The following RALYL variants were observed in gnomAD, a reference collection of about 807,000 sequenced individuals.
RALYL encodes the protein RNA-binding Raly-like protein.
RALYL carries 29 observed loss-of-function variants against 35.1 expected under a neutral mutation model. That is an observed-to-expected ratio of 0.83 (90% CI 0.61 to 1.13). The LOEUF (loss-of-function observed/expected upper bound fraction) is 1.13. RALYL is among the 50% of genes most tolerant of loss of function. RALYL has a pLI of 0.00. For missense variants in RALYL, 359 were observed against 360.4 expected, an observed-to-expected ratio of 1.00 and a Z score of 0.03; for synonymous variants, 120 against 127.6, an observed-to-expected ratio of 0.94 and a Z score of 0.40.
At chr8:84,374,492 T>A (rs1171311227) in intron 1 of RALYL, among the ~76,000 whole-genome samples, 1 of 151,882 alleles carries the variant, frequency 6.6e-6, no homozygotes, top group Non-Finnish European at 1.5e-5. Flanking sequence ...CAACGACAGA[T>A]TGGATAAAGA....
chr8:84,786,156 G>A (rs1011713788), intron 3 of RALYL, among the ~76,000 whole-genome samples: 3 of 152,116 alleles, frequency 2.0e-5, no homozygotes, highest in African/African-American at 7.2e-5. Context: ...CAAAGGATAT[G>A]ATCTCATTTT....
intron 1 of RALYL, among the ~76,000 whole-genome samples, chr8:84,219,864 T>G (rs969085054): frequency 2.0e-5 from 3 of 151,578 alleles, no homozygotes; most frequent in African/African-American, 7.3e-5. Flanking sequence ...AGAAGACGTA[T>G]AGATAGATAG....
At chr8:84,291,717 G>T (rs889211834) in intron 1 of RALYL, among the ~76,000 whole-genome samples, 2 of 151,736 alleles carry the variant, frequency 1.3e-5, no homozygotes, top group African/African-American at 4.8e-5. Flanking sequence ...TGAATGGGAG[G>T]TCTTGTATTT....
chr8:84,561,091 C>A (rs190437947), intron 2 of RALYL, among the ~76,000 whole-genome samples: 361 of 152,118 alleles, frequency 2.4e-3, no homozygotes, highest in South Asian at 4.6e-3. Flanking sequence ...TGCCAATTAA[C>A]AATAATTAAT....
At chr8:84,653,009 C>A (rs1829171380) in intron 2 of RALYL, among the ~76,000 whole-genome samples, 1 of 152,184 alleles carries the variant, frequency 6.6e-6, no homozygotes, top group African/African-American at 2.4e-5. Flanking sequence ...AAGTTAATGT[C>A]TCCAGGATAC....
intron 1 of RALYL, among the ~76,000 whole-genome samples, chr8:84,479,774 A>G (rs1272711935): frequency 2.0e-5 from 3 of 152,168 alleles, no homozygotes; most frequent in Admixed American, 6.5e-5. Flanking sequence ...TTCCTTAAGT[A>G]TTCTCTTAAT....
chr8:84,814,585 A>ATTG (rs1826729647), intron 4 of RALYL, among the ~76,000 whole-genome samples: 1 of 152,204 alleles, frequency 6.6e-6, no homozygotes, highest in African/African-American at 2.4e-5. Flanking sequence ...TTGAAATAAA[A>ATTG]TTGTTTGGTC....
rs10675428 is a variant in RALYL, at chr8:84,254,746, G to GAAA, written c.-24+70334_-24+70336dup. Among the ~76,000 whole-genome samples, 256 of 126,502 alleles carry GAAA rather than the reference G, an allele frequency of 2.0e-3. 5 individuals carry two copies. The highest frequency in any genetic ancestry group is 7.4e-3 in the African/African-American group (238 of 32,202). 83.0% of individuals were successfully genotyped at this position (126,502 alleles called of 152,430 possible). ...AACTACCCAAGACTGGGTAATTTAT[G>GAAA]AAAAAAAAAAAAAAGAGGTTTAATT... On this transcript the variant is annotated intron_variant, in intron 1 of 8. Coordinates refer to ENST00000521268, the MANE Select transcript of RALYL (RefSeq NM_173848.7).
intron 2 of RALYL, among the ~76,000 whole-genome samples, chr8:84,691,781 A>G (rs985387795): frequency 1.3e-5 from 2 of 152,074 alleles, no homozygotes; most frequent in African/African-American, 4.8e-5. Context: ...AAGTGATACT[A>G]AAATAACTGG....
At chr8:84,641,667 T>C (rs1040296353) in intron 2 of RALYL, among the ~76,000 whole-genome samples, 1 of 151,772 alleles carries the variant, frequency 6.6e-6, no homozygotes, top group Admixed American at 6.6e-5. Context: ...TTAACCATTT[T>C]TAAAATCTGA....
intron 2 of RALYL, among the ~76,000 whole-genome samples, chr8:84,712,540 T>C (rs2132492840): frequency 6.6e-6 from 1 of 152,270 alleles, no homozygotes; most frequent in East Asian, 1.9e-4. Flanking sequence ...CAAAGGTCAC[T>C]TTTGTACCAG....
intron 1 of RALYL, among the ~76,000 whole-genome samples, chr8:84,388,903 A>G (rs186039204): frequency 0.028 from 4,297 of 152,228 alleles, 198 homozygotes; most frequent in African/African-American, 0.098. Context: ...TGTTTTAGAC[A>G]TGAAGTCCTT....
At chr8:84,706,787 A>G (rs928851278) in intron 2 of RALYL, among the ~76,000 whole-genome samples, 5 of 152,172 alleles carry the variant, frequency 3.3e-5, no homozygotes, top group African/African-American at 7.2e-5. Flanking sequence ...TTTACGGTAA[A>G]GCAATATGCC....
At chr8:84,351,570 C>A (rs1340367031) in intron 1 of RALYL, among the ~76,000 whole-genome samples, 1 of 149,534 alleles carries the variant, frequency 6.7e-6, no homozygotes, top group Non-Finnish European at 1.5e-5. Flanking sequence ...AGATACCCTT[C>A]AATATGGCCC....
intron 2 of RALYL, among the ~76,000 whole-genome samples, chr8:84,617,429 T>C (rs1174837795): frequency 6.8e-6 from 1 of 147,862 alleles, no homozygotes; most frequent in Non-Finnish European, 1.5e-5. Context: ...TTGTGATTTT[T>C]GTACACTGAT....
chr8:84,210,384 T>C (rs960085546), intron 1 of RALYL, among the ~76,000 whole-genome samples: 3 of 151,968 alleles, frequency 2.0e-5, no homozygotes, highest in African/African-American at 7.2e-5. Flanking sequence ...GGATTTTTTT[T>C]TTCTAAGCAA....
intron 1 of RALYL, among the ~76,000 whole-genome samples, chr8:84,513,922 C>G (rs1267845054): frequency 6.6e-6 from 1 of 151,424 alleles, no homozygotes; most frequent in Non-Finnish European, 1.5e-5. Flanking sequence ...ATGGTGAAAC[C>G]TTGTCTCTAA....
At chr8:84,757,949 C>A (rs962587874) in intron 2 of RALYL, among the ~76,000 whole-genome samples, 1 of 151,832 alleles carries the variant, frequency 6.6e-6, no homozygotes, top group Non-Finnish European at 1.5e-5. Context: ...TAGGAAAAAG[C>A]AAAATATAGG....
chr8:84,225,673 G>C (rs1823703779), intron 1 of RALYL, among the ~76,000 whole-genome samples: 1 of 152,054 alleles, frequency 6.6e-6, no homozygotes. Context: ...TCTACTAACA[G>C]AAGCTTTATT....
Sources: gnomAD v4.1 joint callset for allele counts (sites outside exome capture counted in the v4.1 genomes callset) on GRCh38, gnomAD v4.1.1 for gene constraint, MANE v1.5 for transcripts, NCBI Gene and HGNC (gene_info 2026-07-23, HGNC 2026-07-21) for gene names.